RUBCNL: variants seen among roughly 807,000 people sequenced by gnomAD.
RUBCNL encodes rubicon like autophagy enhancer.
A neutral mutation model predicts 69.5 loss-of-function variants in RUBCNL; 62 were observed. The observed-to-expected ratio is 0.89, with a 90% CI of 0.73 to 1.10. The LOEUF is 1.10. Among genes scored for constraint, RUBCNL ranks in the 50% least tolerant of loss-of-function variants. The pLI is 0.00. For synonymous variants in RUBCNL, 291 were observed against 303.6 expected (o/e 0.96, Z 0.43); for missense variants, 768 against 798.1 (o/e 0.96, Z 0.45).
intron 12 of RUBCNL, 139 bp from the exon 13 acceptor site, chr13:46,345,739 A>T: frequency 1.2e-6 from 1 of 832,068 alleles, no homozygotes; most frequent in South Asian, 2.0e-5. Flanking sequence ...CTCCAAGAAC[A>T]ACAGTGAACC....
intron 10 of RUBCNL, among the ~76,000 whole-genome samples, chr13:46,355,027 A>G (rs2048453612): frequency 6.6e-6 from 1 of 152,240 alleles, no homozygotes; most frequent in Non-Finnish European, 1.5e-5. Flanking sequence ...AAAATCAGCA[A>G]CAATGGTGAT....
intron 9 of RUBCNL, among the ~76,000 whole-genome samples, chr13:46,357,272 G>T (rs1250394061): frequency 6.7e-6 from 1 of 148,386 alleles, no homozygotes; most frequent in Non-Finnish European, 1.5e-5. Flanking sequence ...GACGGAGCTT[G>T]CAGTGAGCCA....
In RUBCNL at chr13:46,361,467, C is replaced by G. The variant is rs774519263; in HGVS notation, c.1093G>C (p.Gly365Arg). The G allele has an allele frequency of 1.9e-6, 3 of 1,613,940 alleles. No homozygotes were observed. The highest frequency in any genetic ancestry group is 1.7e-5 in the Admixed American group (1 of 60,024). Residue 365 changes from glycine (G) to arginine (R), a missense_variant, in exon 8 of 15, where the codon GGT (glycine) becomes CGT (arginine). Physicochemically the swap from Gly to Arg is moderately radical, Grantham distance 125. Coordinates refer to ENST00000429979, the MANE Select transcript of RUBCNL (RefSeq NM_025113.5). The stretch of plus-strand genomic sequence containing the variant: ...ATCGAGCCAGCTGCACTCAGGGAAC[C>G]TGCCAGCTGAGAATTAACTACTGAC... ...ILSVVNSQLA[G>R]SLSAAGSIVV...
intron 2 of RUBCNL, among the ~76,000 whole-genome samples, chr13:46,373,525 C>T (rs916285892): frequency 4.6e-5 from 7 of 151,984 alleles, no homozygotes; most frequent in Non-Finnish European, 1.0e-4. Context: ...TTAGTGAAGA[C>T]GTAATGATTA....
chr13:46,368,106 C>T lies in RUBCNL; in HGVS notation c.762G>A (p.Met254Ile), dbSNP rs1188517260. ...LLGSDQPDSE[M>I]TFDTNIKQES... ...CTTGCTTTATGTTGGTATCAAAAGTCATTTCAGAGTCAGGCTGATCACTCC... is the reference window on the plus strand; with the variant it reads ...CTTGCTTTATGTTGGTATCAAAAGTTATTTCAGAGTCAGGCTGATCACTCC... The change falls in exon 5 of 15, where the codon ATG (methionine) becomes ATA (isoleucine). Residue 254 changes from methionine to isoleucine, a missense_variant. Coordinates refer to ENST00000429979, the MANE Select transcript of RUBCNL (RefSeq NM_025113.5). 1.2e-6 allele frequency: 2 copies of T among 1,613,848 alleles called. No individual in the cohort carries two copies. Among genetic ancestry groups the T allele is most frequent in the African/African-American group, 2.7e-5 (2 of 74,916 alleles).
chr13:46,386,969 ACT>A (rs2049262536), intron 1 of RUBCNL, among the ~76,000 whole-genome samples, 163 bp downstream of exon 1: 1 of 151,980 alleles, frequency 6.6e-6, no homozygotes, highest in Admixed American at 6.5e-5. Flanking sequence ...GGTCCCCGAC[ACT>A]GCTCTGAGCG....
intron 3 of RUBCNL, among the ~76,000 whole-genome samples, chr13:46,370,292 T>A (rs1017015885): frequency 1.3e-5 from 2 of 152,212 alleles, no homozygotes; most frequent in Non-Finnish European, 2.9e-5. Context: ...GCCAACAAAA[T>A]AAACTGTGGA....
chr13:46,362,341 G>A (rs945636167), intron 7 of RUBCNL, among the ~76,000 whole-genome samples, 197 bp downstream of exon 7: 1 of 152,124 alleles, frequency 6.6e-6, no homozygotes, highest in Non-Finnish European at 1.5e-5. Context: ...GCATACAAAA[G>A]CCTTTTATAT....
At position 46,372,480 on chromosome 13, in the gene RUBCNL, C is replaced by A; in HGVS notation, c.-5G>T. ...GACTGTAGATTGTGACACCATCTTT[C>A]CAGGCTTGTGGCTGGTGTGAATCCA... On this transcript the variant is annotated 5_prime_UTR_variant, in exon 3 of 15. Transcript: ENST00000429979. 6.3e-7 allele frequency: 1 copy of A among 1,596,084 alleles called. No homozygotes were observed. The highest frequency in any genetic ancestry group is 8.5e-7 in the Non-Finnish European group (1 of 1,170,986).
intron 10 of RUBCNL, among the ~76,000 whole-genome samples, chr13:46,355,320 A>C (rs1380080632): frequency 2.4e-5 from 3 of 127,274 alleles, no homozygotes; most frequent in African/African-American, 9.2e-5. Flanking sequence ...TTTGAGACGG[A>C]GTCTCACTTT....
At position 46,372,517 on chromosome 13, in the gene RUBCNL, T is replaced by A; in HGVS notation, c.-42A>T. 1 of 1,547,054 alleles carries A rather than the reference T, an allele frequency of 6.5e-7. No individual in the cohort carries two copies. The highest frequency in any genetic ancestry group is 8.7e-7 in the Non-Finnish European group (1 of 1,143,988). ...CTGGTGTGAATCCATTCAAAACAGA[T>A]AGGAGTTCCCTGATTGCTGGTACTA... On this transcript the variant is annotated 5_prime_UTR_variant, in exon 3 of 15. Transcript: ENST00000429979.
chr13:46,352,896 T>A lies in RUBCNL; in HGVS notation c.1331-2545A>T, dbSNP rs111703260. 1.8e-3 allele frequency among the ~76,000 whole-genome samples: 281 copies of A among 152,326 alleles called. 2 individuals carry two copies. Among genetic ancestry groups the A allele is most frequent in the African/African-American group, 6.3e-3 (262 of 41,584 alleles). The stretch of plus-strand genomic sequence containing the variant: ...CTGAGTACTTACTCTGTGCCACAGA[T>A]CAGTTAAATGTTTTACATTTACTAT... On this transcript the variant is annotated intron_variant, in intron 10 of 14. Coordinates refer to ENST00000429979, the MANE Select transcript of RUBCNL (RefSeq NM_025113.5).
chr13:46,349,323 T>C lies in RUBCNL; in HGVS notation c.1594A>G (p.Ile532Val). The C allele has an allele frequency of 6.2e-7, 1 of 1,613,752 alleles. No homozygotes were observed. ...VKEIQEQLFH[I>V]KKLLKTCRFA... The stretch of plus-strand genomic sequence containing the variant: ...CTACAGGTCTTCAACAGCTTCTTGA[T>C]ATGGAAGAGCTGCTCCTGAATTTCC... Residue 532 changes from isoleucine (I) to valine (V), a missense_variant, in exon 12 of 15, where the codon ATC becomes GTC. Coordinates refer to ENST00000429979, the MANE Select transcript of RUBCNL (RefSeq NM_025113.5).
chr13:46,340,453 A>C lies in RUBCNL; in HGVS notation c.*2932T>G, dbSNP rs776621923. Among the ~76,000 whole-genome samples the C allele has an allele frequency of 2.0e-5, 3 of 152,036 alleles. No homozygotes were observed. The highest frequency in any genetic ancestry group is 2.9e-5 in the Non-Finnish European group (2 of 68,014). On this transcript the variant is annotated 3_prime_UTR_variant, in exon 15 of 15. Coordinates refer to ENST00000429979, the MANE Select transcript of RUBCNL (RefSeq NM_025113.5). ...TACCAGGCCTTTTAGTGGGTGCTTC[A>C]TTTTCATTTCTAATCCTTATCTCAA...
At position 46,372,348 on chromosome 13, in the gene RUBCNL, T is replaced by C. The variant is rs1354423827; in HGVS notation, c.128A>G (p.Asp43Gly). 2 of 1,613,948 alleles carry C rather than the reference T, an allele frequency of 1.2e-6. No individual in the cohort carries two copies. Among genetic ancestry groups the C allele is most frequent in the Admixed American group, 1.7e-5 (1 of 60,010 alleles). The change falls in exon 3 of 15, where the codon GAC (aspartate) becomes GGC (glycine). Residue 43 changes from aspartate (D) to glycine (G), a missense_variant. Transcript: ENST00000429979. ...LNTDHPPCQL[D>G]IRLMRHKAVW... is the part of the protein sequence containing the mutation. ...AGCTTTGTGCCTCATGAGCCTGATG[T>C]CTAATTGGCAAGGAGGATGGTCAGT...
At position 46,339,046 on chromosome 13, in the gene RUBCNL, CAAAA is replaced by C. The variant is rs57707207; in HGVS notation, c.*4335_*4338del. 5.4e-5 allele frequency among the ~76,000 whole-genome samples: 7 copies of C among 128,830 alleles called. No individual in the cohort carries two copies. The highest frequency in any genetic ancestry group is 2.3e-4 in the Admixed American group (3 of 12,784). 84.5% of individuals were successfully genotyped at this position (128,830 alleles called of 152,430 possible). On this transcript the variant is annotated 3_prime_UTR_variant, in exon 15 of 15. Coordinates refer to ENST00000429979, the MANE Select transcript of RUBCNL (RefSeq NM_025113.5). ...TGGGCGACAGAGCGAGACCCTGTCTCAAAAAAAAAAAAAAAAGTGCAAGGAAAAA... is the reference window on the plus strand; with the variant it reads ...TGGGCGACAGAGCGAGACCCTGTCTCAAAAAAAAAAAAGTGCAAGGAAAAA...
At position 46,367,966 on chromosome 13, in the gene RUBCNL, G is replaced by A. The variant is rs371451094; in HGVS notation, c.826+76C>T. The A allele has an allele frequency of 1.7e-4, 230 of 1,365,158 alleles. 1 individual carries two copies. The highest frequency in any genetic ancestry group is 2.0e-4 in the Non-Finnish European group (189 of 960,302). 84.6% of individuals were successfully genotyped at this position (1,365,158 alleles called of 1,614,324 possible). On this transcript the variant is annotated intron_variant, in intron 5 of 14. Transcript: ENST00000429979. ...CTGGGAGTCTTGGAATATATGCCCC[G>A]TGGATAAGGGGTAATTATAGAGGAG...
At chr13:46,363,625 G>A (rs554286294) in intron 5 of RUBCNL, among the ~76,000 whole-genome samples, 1 of 152,282 alleles carries the variant, frequency 6.6e-6, no homozygotes, top group Admixed American at 6.5e-5. Context: ...GGCTGAGGTA[G>A]GAGAATCACT....
At chr13:46,368,373 T>C in intron 4 of RUBCNL, 124 bp from the exon 5 acceptor site, 1 of 1,419,066 alleles carries the variant, frequency 7.0e-7, no homozygotes, top group Non-Finnish European at 9.3e-7. Context: ...TAAATATTCA[T>C]TTAACTGAGT....
Sources: allele counts gnomAD v4.1 joint callset (sites outside exome capture counted in the v4.1 genomes callset), GRCh38; gene constraint gnomAD v4.1.1; transcripts MANE v1.5; gene names NCBI Gene and HGNC (gene_info 2026-07-23, HGNC 2026-07-21).